Variants in RGS5 observed in about 807,000 individuals in gnomAD.
RGS5 encodes regulator of G-protein signalling 5.
RGS5 carries 20 observed loss-of-function variants against 18.9 expected under a neutral mutation model. The observed-to-expected ratio is 1.06, with a 90% CI of 0.74 to 1.54. RGS5 has a LOEUF of 1.54. Ranked by LOEUF, RGS5 falls within the 40% of genes most tolerant of loss-of-function variation. The pLI is 0.00. For missense variants in RGS5, 201 were observed against 211.8 expected, an observed-to-expected ratio of 0.95 and a Z score of 0.32; for synonymous variants, 57 against 76.2, an observed-to-expected ratio of 0.75 and a Z score of 1.31.
chr1:163,170,876 T>C (rs1658269286), intron 1 of RGS5, among the ~76,000 whole-genome samples: 1 of 152,206 alleles, frequency 6.6e-6, no homozygotes, highest in South Asian at 2.1e-4. Context: ...TAAGTGTCGC[T>C]TTAATTCCAA....
chr1:163,250,117 C>A (rs1648068151), intron 2 of RGS5, among the ~76,000 whole-genome samples: 4 of 152,288 alleles, frequency 2.6e-5, no homozygotes, highest in African/African-American at 9.6e-5. Flanking sequence ...CGAAGATGAC[C>A]ATTGGGTTCT....
chr1:163,206,191 G>A (rs1659949619), upstream of RGS5, among the ~76,000 whole-genome samples: 1 of 151,986 alleles, frequency 6.6e-6, no homozygotes, highest in African/African-American at 2.4e-5. Flanking sequence ...TAAAGTCCCT[G>A]GACTTTATAT....
chr1:163,162,599 TA>T (rs578017605), intron 2 of RGS5, among the ~76,000 whole-genome samples: 61 of 146,586 alleles, frequency 4.2e-4, no homozygotes, highest in South Asian at 1.9e-3. Context: ...CTTTCTAATT[TA>T]AAAAAAAAAA....
Position 163,282,142 on chromosome 1 carries a change from G to A in RGS5, c.-281+24091C>T, listed in dbSNP as rs148023274. On this transcript the variant is annotated intron_variant, in intron 2 of 5. Transcript: ENST00000618415. Reference sequence around the variant, plus strand: ...CAAAGAAAGCCATCTATGGCATGAAGAGACAACTTGTAGAATGGGAGAAAA... The same window carrying A: ...CAAAGAAAGCCATCTATGGCATGAAAAGACAACTTGTAGAATGGGAGAAAA... Among the ~76,000 whole-genome samples the A allele has an allele frequency of 3.9e-4, 59 of 152,114 alleles. 1 individual carries two copies. The East Asian group carries it at 0.01, about 27-fold the overall frequency.
intron 1 of RGS5, among the ~76,000 whole-genome samples, chr1:163,194,263 G>A (rs1659472807): frequency 6.6e-6 from 1 of 152,144 alleles, no homozygotes; most frequent in Non-Finnish European, 1.5e-5. Flanking sequence ...TGAGTCCACT[G>A]AGATTTTTAA....
intron 1 of RGS5, among the ~76,000 whole-genome samples, chr1:163,191,247 C>T (rs1475026045): frequency 3.9e-5 from 6 of 152,006 alleles, no homozygotes. Flanking sequence ...ACGCCAGTAG[C>T]CTTGGAGGGC....
intron 1 of RGS5, among the ~76,000 whole-genome samples, chr1:163,178,255 G>A (rs1658651251): frequency 6.6e-6 from 1 of 152,108 alleles, no homozygotes; most frequent in South Asian, 2.1e-4. Context: ...AGGTTGCAGT[G>A]AACTGAGATG....
exon 1 of RGS5, chr1:163,321,664 C>T (rs1650215085): frequency 1.3e-5 from 2 of 152,200 alleles, no homozygotes; most frequent in African/African-American, 4.8e-5. Context: ...AGTGAAGTTT[C>T]CTTCACTTGG....
intron 2 of RGS5, among the ~76,000 whole-genome samples, chr1:163,295,539 C>T (rs1649400649): frequency 1.3e-5 from 2 of 152,144 alleles, no homozygotes; most frequent in Admixed American, 6.6e-5. Flanking sequence ...CTGATTTTAA[C>T]CTTGGCCATC....
chr1:163,263,702 T>C (rs1466808079), intron 2 of RGS5, among the ~76,000 whole-genome samples: 1 of 152,088 alleles, frequency 6.6e-6, no homozygotes, highest in Non-Finnish European at 1.5e-5. Context: ...GCAGGGACTC[T>C]CAGATTCTTG....
chr1:163,294,042 G>C (rs1482912020), intron 2 of RGS5, among the ~76,000 whole-genome samples: 2 of 152,210 alleles, frequency 1.3e-5, no homozygotes, highest in Non-Finnish European at 2.9e-5. Flanking sequence ...CCATGGGCTG[G>C]CATTGAGTGC....
In RGS5 at chr1:163,284,405, T is replaced by C. The variant is rs76390588; in HGVS notation, c.-281+21828A>G. Reference sequence around the variant, plus strand: ...AAGATACTGCTCACTTATTTAGATGTGCATTTTAAATGTTTGTTGTTTCAG... The same window carrying C: ...AAGATACTGCTCACTTATTTAGATGCGCATTTTAAATGTTTGTTGTTTCAG... On this transcript the variant is annotated intron_variant, in intron 2 of 5. Transcript: ENST00000618415. 1.6e-4 allele frequency among the ~76,000 whole-genome samples: 24 copies of C among 152,352 alleles called. 1 individual carries two copies. In the East Asian group the frequency reaches 4.4e-3, roughly 28 times the overall value.
chr1:163,176,679 G>C (rs901994311), intron 1 of RGS5, among the ~76,000 whole-genome samples: 5 of 151,592 alleles, frequency 3.3e-5, no homozygotes, highest in African/African-American at 1.2e-4. Context: ...CTCTCCTTTT[G>C]TTCACTTATT....
At chr1:163,151,167 T>C (rs1392284449) in intron 4 of RGS5, among the ~76,000 whole-genome samples, 1 of 152,188 alleles carries the variant, frequency 6.6e-6, no homozygotes, top group East Asian at 1.9e-4. Flanking sequence ...CAAAGTTTCT[T>C]TGAAATCAAC....
intron 1 of RGS5, among the ~76,000 whole-genome samples, chr1:163,217,335 GA>G (rs1660242231): frequency 6.6e-6 from 1 of 152,034 alleles, no homozygotes. Flanking sequence ...TTGCATGAAG[GA>G]ACACTGATTG....
intron 2 of RGS5, among the ~76,000 whole-genome samples, chr1:163,223,060 G>A (rs2101679356): frequency 9.1e-6 from 1 of 109,684 alleles, no homozygotes; most frequent in South Asian, 2.7e-4. Context: ...GGTCAGGCTG[G>A]TCTCAAACTC....
intron 1 of RGS5, among the ~76,000 whole-genome samples, chr1:163,179,279 C>G (rs979258635): frequency 1.1e-4 from 17 of 152,178 alleles, no homozygotes; most frequent in African/African-American, 4.1e-4. Flanking sequence ...AGTTTTTAAA[C>G]CTTACCTTGC....
intron 1 of RGS5, among the ~76,000 whole-genome samples, chr1:163,171,701 C>T (rs12041294): frequency 0.25 from 37,292 of 152,000 alleles, 5,877 homozygotes; most frequent in East Asian, 0.43. Context: ...ACAAAGAAAT[C>T]GAATGTATGT....
intron 2 of RGS5, among the ~76,000 whole-genome samples, chr1:163,239,706 A>G (rs796565210): frequency 7.2e-5 from 11 of 152,308 alleles, no homozygotes; most frequent in African/African-American, 2.4e-4. Flanking sequence ...ATATTTCAGG[A>G]AGTAAACTGA....
Sources: allele counts gnomAD v4.1 joint callset (sites outside exome capture counted in the v4.1 genomes callset), GRCh38; gene constraint gnomAD v4.1.1; transcripts MANE v1.5; gene names NCBI Gene and HGNC (gene_info 2026-07-23, HGNC 2026-07-21).